Variants in PRRG2 observed in about 807,000 individuals in gnomAD.
PRRG2 encodes proline rich and Gla domain 2, also known as transmembrane gamma-carboxyglutamic acid protein 2.
A neutral mutation model predicts 27.1 loss-of-function variants in PRRG2; 23 were observed. That is an observed-to-expected ratio of 0.85 (90% CI 0.61 to 1.20). The LOEUF (loss-of-function observed/expected upper bound fraction) is 1.20, where lower values mean the gene tolerates loss of function less well. Among genes scored for constraint, PRRG2 ranks in the 50% most tolerant of loss-of-function variants. PRRG2 has a pLI of 0.00. For synonymous variants in PRRG2, 104 were observed against 103.4 expected, an observed-to-expected ratio of 1.01 and a Z score of -0.03; for missense variants, 276 against 254.8, an observed-to-expected ratio of 1.08 and a Z score of -0.57.
Position 49,583,317 on chromosome 19 carries a change from G to A in PRRG2, c.85+13G>A. 1 of 1,612,712 alleles carries A rather than the reference G, an allele frequency of 6.2e-7. No homozygotes were observed. Among genetic ancestry groups the A allele is most frequent in the Non-Finnish European group, 8.5e-7 (1 of 1,178,812 alleles). ...GAGACAGACCAAGGTGAGTGTTTGG[G>A]GGAAGTGGCATCCAGACACTTGGCG... On this transcript the variant is annotated intron_variant, in intron 2 of 6. Coordinates refer to ENST00000246794, the MANE Select transcript of PRRG2 (RefSeq NM_000951.3).
At position 49,588,647 on chromosome 19, in the gene PRRG2, GC is replaced by G; in HGVS notation, c.437+16del. The stretch of plus-strand genomic sequence containing the variant: ...TGTCCCCAAGAGTAAGGGGGCTTCA[GC>G]GAGGAGGGGGTGGTGGTGGAGAGCA... On this transcript the variant is annotated intron_variant, in intron 5 of 6. Transcript: ENST00000246794. 1 of 1,521,282 alleles carries G rather than the reference GC, an allele frequency of 6.6e-7. No homozygotes were observed. Among genetic ancestry groups the G allele is most frequent in the South Asian group, 1.2e-5 (1 of 81,490 alleles). 94.2% of individuals were successfully genotyped at this position (1,521,282 alleles called of 1,614,324 possible). A position where few individuals can be genotyped will look rare whatever the true frequency, so the allele number is the denominator to read the frequency against.
At position 49,590,729 on chromosome 19, in the gene PRRG2, A is replaced by G. The variant is rs1045632938; in HGVS notation, c.*340A>G. ...GCTGTGCCATCTTGTGTATGGGCAG[A>G]TATGACCTGACAGCCCCCTCCAGTG... On this transcript the variant is annotated 3_prime_UTR_variant, in exon 7 of 7. Coordinates refer to ENST00000246794, the MANE Select transcript of PRRG2 (RefSeq NM_000951.3). The G allele has an allele frequency of 2.5e-6, 1 of 392,964 alleles. No homozygotes were observed. Among genetic ancestry groups the G allele is most frequent in the East Asian group, 5.5e-5 (1 of 18,064 alleles). 24.3% of individuals were successfully genotyped at this position (392,964 alleles called of 1,614,324 possible). A position where few individuals can be genotyped will look rare whatever the true frequency, so the allele number is the denominator to read the frequency against.
At chr19:49,582,498 C>T (rs1203258297) in intron 1 of PRRG2, among the ~76,000 whole-genome samples, 1 of 151,934 alleles carries the variant, frequency 6.6e-6, no homozygotes, top group Non-Finnish European at 1.5e-5. Context: ...CAGTGGCTCA[C>T]GCCTGTAATC....
chr19:49,590,070 T>C lies in PRRG2; in HGVS notation c.590+18T>C. The C allele has an allele frequency of 1.4e-6, 2 of 1,451,368 alleles. No individual in the cohort carries two copies. Among genetic ancestry groups the C allele is most frequent in the South Asian group, 1.3e-5 (1 of 74,864 alleles). The allele number at this position is 1,451,368 out of a possible 1,614,324, so 89.9% of individuals were successfully genotyped here. ...TACACCAGGTATGGGGCGTGGCTTC[T>C]GCCCGGGGGCGGGGCGCAGAGGGGT... On this transcript the variant is annotated intron_variant, in intron 6 of 6. Coordinates refer to ENST00000246794, the MANE Select transcript of PRRG2 (RefSeq NM_000951.3).
intron 4 of PRRG2, among the ~76,000 whole-genome samples, chr19:49,585,157 C>G (rs995736601): frequency 1.3e-5 from 2 of 152,184 alleles, no homozygotes; most frequent in South Asian, 2.1e-4. Context: ...TCCCCCACAG[C>G]CCCATCCCAG....
chr19:49,589,444 TTTA>T (rs1185699501), intron 5 of PRRG2, among the ~76,000 whole-genome samples: 2 of 145,766 alleles, frequency 1.4e-5, no homozygotes, highest in African/African-American at 2.6e-5. Flanking sequence ...TTTTTTTTTT[TTTA>T]AAAAAAGACA....
chr19:49,585,337 G>C (rs1163588943), intron 4 of PRRG2, among the ~76,000 whole-genome samples: 3 of 152,224 alleles, frequency 2.0e-5, no homozygotes, highest in African/African-American at 7.2e-5. Flanking sequence ...GCCTAGGTCT[G>C]GGCTGGAGTC....
At chr19:49,582,879 A>C (rs2080638495) in intron 1 of PRRG2, among the ~76,000 whole-genome samples, 1 of 151,638 alleles carries the variant, frequency 6.6e-6, no homozygotes, top group Admixed American at 6.6e-5. Context: ...AAAAAAAAAG[A>C]AAATTAGCGG....
At chr19:49,584,090 GC>G (rs1239883135) in intron 4 of PRRG2, 138 bp downstream of exon 4, 2 of 860,144 alleles carry the variant, frequency 2.3e-6, no homozygotes, top group Non-Finnish European at 3.4e-6. Flanking sequence ...GAAGCTGGCT[GC>G]TAAAGGAGTT....
At chr19:49,586,534 G>A (rs2122245265) in intron 4 of PRRG2, among the ~76,000 whole-genome samples, 1 of 151,962 alleles carries the variant, frequency 6.6e-6, no homozygotes, top group African/African-American at 2.4e-5. Flanking sequence ...ACAGGTACCT[G>A]TAGCACCACA....
chr19:49,584,043 G>A, intron 4 of PRRG2, 91 bp downstream of exon 4: 3 of 1,353,300 alleles, frequency 2.2e-6, no homozygotes, highest in South Asian at 2.8e-5. Flanking sequence ...CCCAAATTAG[G>A]TACAAGAATC....
At chr19:49,587,955 GTTTGT>G (rs1446654446) in intron 4 of PRRG2, among the ~76,000 whole-genome samples, 3 of 121,780 alleles carry the variant, frequency 2.5e-5, no homozygotes, top group Non-Finnish European at 4.7e-5. Flanking sequence ...TTGTTTGTTT[GTTTGT>G]TTTGTTTTTT....
intron 1 of PRRG2, among the ~76,000 whole-genome samples, chr19:49,582,218 G>A (rs1461258325): frequency 1.5e-5 from 2 of 137,882 alleles, no homozygotes; most frequent in Non-Finnish European, 3.1e-5. Context: ...TCCAGCCTGG[G>A]TGACAGAGCG....
intron 4 of PRRG2, among the ~76,000 whole-genome samples, chr19:49,585,272 G>A (rs539473423): frequency 5.3e-5 from 8 of 152,316 alleles, no homozygotes; most frequent in Non-Finnish European, 1.0e-4. Flanking sequence ...CCGGGCCTCC[G>A]ATGCCCCACC....
chr19:49,583,771 G>C, intron 3 of PRRG2, 54 bp downstream of exon 3: 1 of 1,611,970 alleles, frequency 6.2e-7, no homozygotes, highest in Non-Finnish European at 8.5e-7. Flanking sequence ...CTATACCTGT[G>C]GGGAGGTTGC....
At chr19:49,588,670 A>G in intron 5 of PRRG2, 38 bp downstream of exon 5, 2 of 1,505,774 alleles carry the variant, frequency 1.3e-6, no homozygotes, top group Non-Finnish European at 8.8e-7. Context: ...GGTGGTGGAG[A>G]GCAGGGGAGG....
In PRRG2 at chr19:49,590,668, C is replaced by T; in HGVS notation, c.*279C>T. 3.9e-6 allele frequency: 2 copies of T among 508,432 alleles called. No homozygotes were observed. The highest frequency in any genetic ancestry group is 7.0e-6 in the Non-Finnish European group (2 of 285,562). 31.5% of individuals were successfully genotyped at this position (508,432 alleles called of 1,614,324 possible). ...CAGTTCCGCCCCCGTGGTAGGCAGA[C>T]GCGCGGGGAAATTCGGACCCAGGAG... On this transcript the variant is annotated 3_prime_UTR_variant, in exon 7 of 7. Coordinates refer to ENST00000246794, the MANE Select transcript of PRRG2 (RefSeq NM_000951.3).
Position 49,590,590 on chromosome 19 carries a change from G to C in PRRG2, c.*201G>C. 1 of 698,844 alleles carries C rather than the reference G, an allele frequency of 1.4e-6. No individual in the cohort carries two copies. Among genetic ancestry groups the C allele is most frequent in the Non-Finnish European group, 2.4e-6 (1 of 420,266 alleles). 43.3% of individuals were successfully genotyped at this position (698,844 alleles called of 1,614,324 possible). Reference sequence around the variant, plus strand: ...CACATGTTTTCGGCAACGTGTTCCCGTGTCCTGGCCCCTCACGGGCCCCCA... The same window carrying C: ...CACATGTTTTCGGCAACGTGTTCCCCTGTCCTGGCCCCTCACGGGCCCCCA... On this transcript the variant is annotated 3_prime_UTR_variant, in exon 7 of 7. Coordinates refer to ENST00000246794, the MANE Select transcript of PRRG2 (RefSeq NM_000951.3).
intron 4 of PRRG2, among the ~76,000 whole-genome samples, chr19:49,588,256 T>A (rs1377484621): frequency 6.6e-6 from 1 of 152,194 alleles, no homozygotes; most frequent in Non-Finnish European, 1.5e-5. Flanking sequence ...AGCCACTACA[T>A]CCAGCCTAAT....
Sources: allele counts gnomAD v4.1 joint callset (sites outside exome capture counted in the v4.1 genomes callset), GRCh38; gene constraint gnomAD v4.1.1; transcripts MANE v1.5; gene names NCBI Gene and HGNC (gene_info 2026-07-23, HGNC 2026-07-21).